CALML6: variants seen among roughly 807,000 people sequenced by gnomAD.
CALML6 encodes calmodulin-like protein 6.
Under a neutral mutation model 25.0 loss-of-function variants are expected in CALML6, and 27 were observed. The observed-to-expected ratio is 1.08, with a 90% CI of 0.80 to 1.49. The LOEUF (loss-of-function observed/expected upper bound fraction) is 1.49, where lower values mean the gene tolerates loss of function less well. Ranked by LOEUF, CALML6 falls within the 40% of genes most tolerant of loss-of-function variation. The pLI is 0.00. For synonymous variants in CALML6, 97 were observed against 87.2 expected (o/e 1.11, Z -0.63); for missense variants, 239 against 232.7 (o/e 1.03, Z -0.18).
At position 1,917,165 on chromosome 1, in the gene CALML6, C is replaced by T. The variant is rs373215762; in HGVS notation, c.518C>T (p.Thr173Met). The change falls in exon 6 of 6, where the codon ACG becomes ATG. Residue 173 changes from threonine (T) to methionine (M), a missense_variant. By Grantham distance (81) the Thr-to-Met change is moderately conservative. Transcript: ENST00000307786. ...TTCCCAGAGTTTGTGGCCATGATGA[C>T]GGGGGAGTCCTTCAAGCTGATCCAG... ...IDYEEFVAMM[T>M]GESFKLIQ 41 of 1,607,004 alleles carry T rather than the reference C, an allele frequency of 2.6e-5. No individual in the cohort carries two copies. Among genetic ancestry groups the T allele is most frequent in the Admixed American group, 1.9e-4 (11 of 59,024 alleles).
chr1:1,917,008 G>A lies in CALML6; in HGVS notation c.433G>A (p.Glu145Lys), dbSNP rs201807862. 14 of 1,609,892 alleles carry A rather than the reference G, an allele frequency of 8.7e-6. No individual in the cohort carries two copies. The highest frequency in any genetic ancestry group is 2.7e-5 in the African/African-American group (2 of 74,888). ...AATGAACGCAGGGGAGCCCCTCAAC[G>A]AGGTGGAGGCGGAGCAGATGATGAA... Reference protein sequence around the residue: ...VLMNAGEPLNEVEAEQMMKEA... With the variant: ...VLMNAGEPLNKVEAEQMMKEA... The change falls in exon 5 of 6, where the codon GAG becomes AAG. Residue 145 changes from glutamate (E) to lysine (K), a missense_variant. By Grantham distance (56) the Glu-to-Lys change is moderately conservative. Transcript: ENST00000307786.
At chr1:1,915,822 CGG>C in intron 2 of CALML6, 87 bp downstream of exon 2, 1 of 1,334,768 alleles carries the variant, frequency 7.5e-7, no homozygotes, top group Non-Finnish European at 1.1e-6. Context: ...TGACCTGCCA[CGG>C]AGCCTGGGCA....
Position 1,916,520 on chromosome 1 carries a change from T to C in CALML6, c.158T>C (p.Val53Ala). Residue 53 changes from valine to alanine, a missense_variant, in exon 3 of 6, where the codon GTG (valine) becomes GCG (alanine). Around this residue, in one of 2 missense-constraint regions of CALML6, gnomAD observed 231 missense variants for 210.9 expected, o/e 1.10. Transcript: ENST00000307786. ...TTCGACGAAGAGGGCAACGGGGAGG[T>C]GAAGACGGGGGAGCTGGAGTGGCTC... The part of the protein sequence containing the change: ...EMFDEEGNGE[V>A]KTGELEWLMS... 6.2e-7 allele frequency: 1 copy of C among 1,605,908 alleles called. No individual in the cohort carries two copies. Among genetic ancestry groups the C allele is most frequent in the Non-Finnish European group, 8.5e-7 (1 of 1,176,592 alleles).
rs1260832059 is a variant in CALML6 at position 1,916,216 on chromosome 1, G to C, written c.79-225G>C. ...TCGCACGCTGGCTCCTGCCTGTCTGGCCCTTGCCCCTGTTAGCTGCCTGGC... is the reference window on the plus strand; with the variant it reads ...TCGCACGCTGGCTCCTGCCTGTCTGCCCCTTGCCCCTGTTAGCTGCCTGGC... On this transcript the variant is annotated intron_variant, in intron 2 of 5. Transcript: ENST00000307786. 9 of 497,596 alleles carry C rather than the reference G, an allele frequency of 1.8e-5. No individual in the cohort carries two copies. In the East Asian group the frequency reaches 2.8e-4, roughly 16 times the overall value. The allele number at this position is 497,596 out of a possible 1,614,324, so 30.8% of individuals were successfully genotyped here.
At chr1:1,915,486 A>G in intron 1 of CALML6, 179 bp downstream of exon 1, 9 of 1,342,270 alleles carry the variant, frequency 6.7e-6, no homozygotes, top group Non-Finnish European at 9.0e-6. Context: ...TTCGGTGCCC[A>G]TCTTCAGGGT....
intron 1 of CALML6, 94 bp downstream of exon 1, chr1:1,915,401 A>T (rs1651075030): frequency 2.0e-6 from 3 of 1,537,620 alleles, no homozygotes; most frequent in South Asian, 2.4e-5. Context: ...TCCAGTGAAG[A>T]GGGAACAGCA....
chr1:1,915,483 C>A, intron 1 of CALML6, 176 bp downstream of exon 1: 2 of 1,351,422 alleles, frequency 1.5e-6, no homozygotes, highest in Admixed American at 2.3e-5. Flanking sequence ...GCCTTCGGTG[C>A]CCATCTTCAG....
chr1:1,915,530 G>C (rs1453116618), intron 1 of CALML6, 155 bp from the exon 2 acceptor site: 1 of 1,205,372 alleles, frequency 8.3e-7, no homozygotes, highest in East Asian at 2.6e-5. Flanking sequence ...GGCCGGGAAG[G>C]GGCCCTGTGG....
At chr1:1,915,837 A>G (rs1651089877) in intron 2 of CALML6, 102 bp downstream of exon 2, 1 of 1,204,942 alleles carries the variant, frequency 8.3e-7, no homozygotes, top group East Asian at 2.5e-5. Flanking sequence ...CCTGGGCAGG[A>G]AGGGGCTGAG....
chr1:1,915,631 G>T, intron 1 of CALML6, 54 bp from the exon 2 acceptor site: 1 of 1,595,640 alleles, frequency 6.3e-7, no homozygotes, highest in Non-Finnish European at 8.6e-7. Flanking sequence ...ACCCCAGGCA[G>T]CCAGGCCCAG....
rs1386235419 is a variant in CALML6, at chr1:1,916,624, A to G, written c.253+9A>G. The G allele has an allele frequency of 3.1e-6, 5 of 1,601,660 alleles. No individual in the cohort carries two copies. The highest frequency in any genetic ancestry group is 4.3e-6 in the Non-Finnish European group (5 of 1,172,778). ...GGATGTGGACAGAGACAGTGAGCTC[A>G]TGGCTGGAGTGGGGTGGGCAGCCTC... is the stretch of plus-strand genomic sequence containing the variant. On this transcript the variant is annotated intron_variant, in intron 3 of 5. Transcript: ENST00000307786.
intron 1 of CALML6, 79 bp from the exon 2 acceptor site, chr1:1,915,606 A>C: frequency 1.3e-6 from 2 of 1,497,532 alleles, no homozygotes. Context: ...GGCTCTTGGA[A>C]TCTGGACCCC....
Position 1,916,720 on chromosome 1 carries a change from C to T in CALML6, c.254-32C>T, listed in dbSNP as rs748940761. 1.2e-5 allele frequency: 19 copies of T among 1,612,728 alleles called. No individual in the cohort carries two copies. In the South Asian group the frequency reaches 1.8e-4, roughly 15 times the overall value. The stretch of plus-strand genomic sequence containing the variant: ...AAAGCCCATGGGGAGTGCTGTGCCC[C>T]ATCCCTTGAGCCCCAGCTGTGCCCC... On this transcript the variant is annotated intron_variant, in intron 3 of 5. Transcript: ENST00000307786.
rs1005500629 is a variant in CALML6, at chr1:1,916,559, G to A, written c.197G>A (p.Gly66Asp). ...CTGGAGTGGCTCATGAGCCTGCTGG[G>A]TATCAACCCCACCAAGAGTGAGCTG... ...GELEWLMSLL[G>D]INPTKSELAS... The change falls in exon 3 of 6, where the codon GGT (glycine) becomes GAT (aspartate). Residue 66 changes from glycine to aspartate, a missense_variant. Physicochemically the swap from Gly to Asp is moderately conservative, Grantham distance 94 (BLOSUM62 -1). This residue lies in a region of CALML6 where 231 missense variants were observed against 210.9 expected (regional missense o/e 1.10). Coordinates refer to ENST00000307786, the MANE Select transcript of CALML6 (RefSeq NM_138705.4). 1.2e-6 allele frequency: 2 copies of A among 1,612,640 alleles called. No individual in the cohort carries two copies. The highest frequency in any genetic ancestry group is 2.7e-5 in the African/African-American group (2 of 74,944).
chr1:1,915,722 C>G lies in CALML6; in HGVS notation c.65C>G (p.Thr22Arg). Residue 22 changes from threonine (T) to arginine (R), a missense_variant, in exon 2 of 6, where the codon ACA becomes AGA. Transcript: ENST00000307786. The part of the protein sequence containing the change: ...WCHHPAESCQ[T>R]TTDMTERLSA... Reference sequence around the variant, plus strand: ...CACCACCCTGCAGAATCCTGTCAGACAACCACCGACATGGTAAGGCTGCTC... The same window carrying G: ...CACCACCCTGCAGAATCCTGTCAGAGAACCACCGACATGGTAAGGCTGCTC... 6.2e-7 allele frequency: 1 copy of G among 1,613,464 alleles called. No individual in the cohort carries two copies. Among genetic ancestry groups the G allele is most frequent in the South Asian group, 1.1e-5 (1 of 91,076 alleles).
chr1:1,916,910 T>TGGGGGGGG lies in CALML6; in HGVS notation c.398+19_398+20insGGGGGGGG. 3.5e-6 allele frequency: 1 copy of TGGGGGGGG among 283,516 alleles called. No homozygotes were observed. Among genetic ancestry groups the TGGGGGGGG allele is most frequent in the Admixed American group, 5.5e-5 (1 of 18,146 alleles). 17.6% of individuals were successfully genotyped at this position (283,516 alleles called of 1,614,324 possible). On this transcript the variant is annotated intron_variant, in intron 4 of 5. Transcript: ENST00000307786. Reference sequence around the variant, plus strand: ...GAACACACTCAAGTAGGGCCCGGGTTGGGGGCGGGTGGTGGGCGGGCACGG... The same window carrying TGGGGGGGG: ...GAACACACTCAAGTAGGGCCCGGGTTGGGGGGGGGGGGGCGGGTGGTGGGCGGGCACGG...
intron 2 of CALML6, chr1:1,916,150 C>T (rs759804544): frequency 1.6e-5 from 7 of 426,858 alleles, no homozygotes; most frequent in African/African-American, 3.9e-5. Context: ...GCTCCAGGGC[C>T]GCTGCCTGGC....
rs140177117 is a variant in CALML6, at chr1:1,916,513, G to C, written c.151G>C (p.Gly51Arg). 6.2e-7 allele frequency: 1 copy of C among 1,605,960 alleles called. No homozygotes were observed. Among genetic ancestry groups the C allele is most frequent in the Non-Finnish European group, 8.5e-7 (1 of 1,176,372 alleles). Reference protein sequence around the residue: ...VFEMFDEEGNGEVKTGELEWL... With the variant: ...VFEMFDEEGNREVKTGELEWL... ...TGAGATGTTCGACGAAGAGGGCAAC[G>C]GGGAGGTGAAGACGGGGGAGCTGGA... The change falls in exon 3 of 6, where the codon GGG (glycine) becomes CGG (arginine). Residue 51 changes from glycine (G) to arginine (R), a missense_variant. Gly to Arg is a moderately radical substitution (Grantham distance 125, BLOSUM62 -2). This residue lies in a region of CALML6 where 231 missense variants were observed against 210.9 expected (regional missense o/e 1.10). Coordinates refer to ENST00000307786, the MANE Select transcript of CALML6 (RefSeq NM_138705.4).
At position 1,915,339 on chromosome 1, in the gene CALML6, A is replaced by G. The variant is rs1339489125; in HGVS notation, c.27+32A>G. On this transcript the variant is annotated intron_variant, in intron 1 of 5. Transcript: ENST00000307786. ...GATGACAGCATGGGACCAGGGTCCC[A>G]TGAAGACCTGCTGGAGGGCCGCACC... 25 of 1,551,010 alleles carry G rather than the reference A, an allele frequency of 1.6e-5. No individual in the cohort carries two copies. In the East Asian group the frequency reaches 5.1e-4, roughly 32 times the overall value.
Sources: allele counts gnomAD v4.1 joint callset, GRCh38; gene constraint gnomAD v4.1.1; regional missense constraint gnomAD v4.1.1; transcripts MANE v1.5; gene names NCBI Gene and HGNC (gene_info 2026-07-23, HGNC 2026-07-21).